PEBP4: variants seen among roughly 807,000 people sequenced by gnomAD.
PEBP4 encodes phosphatidylethanolamine-binding protein 4.
In PEBP4, 22 loss-of-function variants were observed where a neutral mutation model predicts 23.9. The ratio of observed to expected loss-of-function variants is 0.92; its 90% CI spans 0.66 to 1.31. The LOEUF is 1.31. PEBP4 is among the 40% of genes most tolerant of loss of function. PEBP4 has a pLI of 0.00. For synonymous variants in PEBP4, 112 were observed against 99.3 expected (o/e 1.13, Z -0.76); for missense variants, 324 against 281.7 (o/e 1.15, Z -1.07).
chr8:22,721,889 G>A lies in PEBP4; in HGVS notation c.517+2954C>T, dbSNP rs528269800. ...GTCCAGGTGCTTCAGAGAGCACCAG[G>A]CCCTGAGTGTTTCAACATCGTGCAA... is the stretch of plus-strand genomic sequence containing the variant. On this transcript the variant is annotated intron_variant, in intron 6 of 6. Transcript: ENST00000256404. 2.0e-5 allele frequency among the ~76,000 whole-genome samples: 3 copies of A among 152,232 alleles called. No individual in the cohort carries two copies. In the East Asian group the frequency reaches 5.8e-4, roughly 29 times the overall value.
Position 22,755,495 on chromosome 8 carries a change from T to C in PEBP4, c.358-28275A>G, listed in dbSNP as rs1805361842. On this transcript the variant is annotated intron_variant, in intron 4 of 6. Transcript: ENST00000256404. ...GGATTACAGGTGCCCGCCACCACAC[T>C]CAGCTAATTTTTGTATTTTTAGTAG... Among the ~76,000 whole-genome samples, 3 of 151,972 alleles carry C rather than the reference T, an allele frequency of 2.0e-5. No homozygotes were observed. In the South Asian group the frequency reaches 6.2e-4, roughly 32 times the overall value.
intron 4 of PEBP4, among the ~76,000 whole-genome samples, chr8:22,807,386 A>T (rs1437262210): frequency 6.6e-6 from 1 of 152,160 alleles, no homozygotes; most frequent in Non-Finnish European, 1.5e-5. Flanking sequence ...TCTCTGTCTG[A>T]GATACTGGGG....
chr8:22,921,448 C>T (rs1809198082), intron 2 of PEBP4, among the ~76,000 whole-genome samples: 1 of 152,226 alleles, frequency 6.6e-6, no homozygotes, highest in Admixed American at 6.5e-5. Context: ...AGGGAGCTCC[C>T]TGAACCTGGG....
intron 3 of PEBP4, among the ~76,000 whole-genome samples, chr8:22,821,649 T>A (rs1434622183): frequency 6.6e-6 from 1 of 151,884 alleles, no homozygotes; most frequent in Non-Finnish European, 1.5e-5. Flanking sequence ...AGAAAGAGTG[T>A]GGTGGAACTT....
At chr8:22,819,719 G>A (rs1806818047) in intron 3 of PEBP4, among the ~76,000 whole-genome samples, 1 of 152,100 alleles carries the variant, frequency 6.6e-6, no homozygotes, top group Admixed American at 6.5e-5. Context: ...CCATTCTCCT[G>A]CCTCAGCCTC....
At chr8:22,753,174 A>G (rs1805304607) in intron 4 of PEBP4, among the ~76,000 whole-genome samples, 1 of 152,178 alleles carries the variant, frequency 6.6e-6, no homozygotes, top group Non-Finnish European at 1.5e-5. Context: ...TAATAGTCTC[A>G]CTGTTAATAA....
At chr8:22,913,526 G>A (rs1214016435) in intron 3 of PEBP4, among the ~76,000 whole-genome samples, 1 of 152,006 alleles carries the variant, frequency 6.6e-6, no homozygotes, top group Non-Finnish European at 1.5e-5. Context: ...GGCCAGCATA[G>A]GGCAGCCCCC....
At chr8:22,756,456 T>A (rs1275669423) in intron 4 of PEBP4, among the ~76,000 whole-genome samples, 1 of 152,192 alleles carries the variant, frequency 6.6e-6, no homozygotes, top group Admixed American at 6.5e-5. Flanking sequence ...TTGTGGCTGA[T>A]TCTCACACCC....
chr8:22,863,217 C>T (rs2128769028), intron 3 of PEBP4, among the ~76,000 whole-genome samples: 1 of 152,198 alleles, frequency 6.6e-6, no homozygotes, highest in Non-Finnish European at 1.5e-5. Flanking sequence ...CAGAAAGGCC[C>T]CACATTCCTG....
intron 4 of PEBP4, among the ~76,000 whole-genome samples, chr8:22,808,766 T>C (rs4872029): frequency 0.23 from 34,838 of 152,222 alleles, 4,265 homozygotes; most frequent in East Asian, 0.33. Context: ...TTATCTCCTA[T>C]ATGTTGGCCT....
At chr8:22,925,246 A>T in intron 2 of PEBP4, 1 of 985,424 alleles carries the variant, frequency 1.0e-6, no homozygotes, top group Non-Finnish European at 1.2e-6. Context: ...CCTTAAGGTC[A>T]TAAGTCTCTT....
At chr8:22,850,230 G>T (rs1049135700) in intron 3 of PEBP4, among the ~76,000 whole-genome samples, 5 of 152,176 alleles carry the variant, frequency 3.3e-5, no homozygotes, top group Non-Finnish European at 5.9e-5. Flanking sequence ...TGCCTCCCCT[G>T]GTTTAGGGTC....
intron 4 of PEBP4, among the ~76,000 whole-genome samples, chr8:22,797,286 A>T (rs1326965981): frequency 4.0e-5 from 6 of 151,814 alleles, no homozygotes; most frequent in African/African-American, 1.4e-4. Context: ...AGAAAGAAAG[A>T]AAAACAAACC....
chr8:22,754,284 T>G (rs148368153), intron 4 of PEBP4, among the ~76,000 whole-genome samples: 1 of 152,204 alleles, frequency 6.6e-6, no homozygotes, highest in East Asian at 1.9e-4. Flanking sequence ...AACTGCTCAT[T>G]TTTCTACCTT....
At chr8:22,812,027 T>C (rs1806641360) in intron 4 of PEBP4, among the ~76,000 whole-genome samples, 1 of 152,214 alleles carries the variant, frequency 6.6e-6, no homozygotes, top group Non-Finnish European at 1.5e-5. Flanking sequence ...AAATAGATAT[T>C]ATCATGCCCA....
chr8:22,882,987 C>G (rs1172364244), intron 3 of PEBP4, among the ~76,000 whole-genome samples: 1 of 152,232 alleles, frequency 6.6e-6, no homozygotes, highest in Admixed American at 6.5e-5. Flanking sequence ...TGCCTCCCAA[C>G]CGAGCCTGGG....
chr8:22,745,497 C>T (rs1448587829), intron 4 of PEBP4: 1 of 152,190 alleles, frequency 6.6e-6, no homozygotes, highest in Admixed American at 6.5e-5. Flanking sequence ...GATGAAGTTC[C>T]TTGTGAGCTT....
At chr8:22,860,116 CAAAAA>C (rs61162189) in intron 3 of PEBP4, among the ~76,000 whole-genome samples, 1 of 91,078 alleles carries the variant, frequency 1.1e-5, no homozygotes, top group Non-Finnish European at 2.1e-5. Flanking sequence ...GACTCCGTCT[CAAAAA>C]AAAAAAAAAA....
chr8:22,928,369 G>T (rs1271421016), upstream of PEBP4, among the ~76,000 whole-genome samples: 2 of 151,986 alleles, frequency 1.3e-5, no homozygotes, highest in East Asian at 3.9e-4. Flanking sequence ...CAGCTCCGAA[G>T]GGCCAGCTGA....
Sources: allele counts gnomAD v4.1 joint callset (sites outside exome capture counted in the v4.1 genomes callset), GRCh38; gene constraint gnomAD v4.1.1; transcripts MANE v1.5; gene names NCBI Gene and HGNC (gene_info 2026-07-23, HGNC 2026-07-21).